Variants in PZP observed in about 807,000 individuals in gnomAD.
The protein encoded by PZP is PZP alpha-2-macroglobulin like.
Under a neutral mutation model 179.8 loss-of-function variants are expected in PZP, and 150 were observed. The observed-to-expected ratio is 0.83, with a 90% confidence interval of 0.73 to 0.96. The LOEUF (loss-of-function observed/expected upper bound fraction) is 0.96, where lower values mean the gene tolerates loss of function less well. Ranked by LOEUF, PZP falls within the 40% of genes least tolerant of loss-of-function variation. PZP has a pLI of 0.00. For missense variants in PZP, 1,689 were observed against 1,764.0 expected (o/e 0.96, Z 0.76); for synonymous variants, 624 against 652.3 (o/e 0.96, Z 0.66).
rs369847315 is a variant in PZP, at chr12:9,160,333, G to A, written c.3030C>T (p.Ala1010=). Residue 1010 remains alanine (A), a synonymous_variant, in exon 24 of 36, where the codon GCC becomes GCT. Transcript: ENST00000261336. ...ACTTACCAGTGATGAGATAGCCAAC[G>A]GCCTTGGCCTTGATCTCCTGCGTCA... is the stretch of plus-strand genomic sequence containing the variant. ...QQLTQEIKAK[A]VGYLITGYQR... 132 of 1,611,976 alleles carry A rather than the reference G, an allele frequency of 8.2e-5. 1 individual carries two copies. Among genetic ancestry groups the A allele is most frequent in the South Asian group, 6.1e-4 (55 of 90,414 alleles).
At chr12:9,167,895 T>G (rs1941705466) in intron 17 of PZP, among the ~76,000 whole-genome samples, 1 of 152,224 alleles carries the variant, frequency 6.6e-6, no homozygotes, top group African/African-American at 2.4e-5. Flanking sequence ...TTATTCTCGT[T>G]ATTTATATAA....
chr12:9,167,338 A>G (rs1366292891), intron 17 of PZP: 1 of 152,126 alleles, frequency 6.6e-6, no homozygotes, highest in African/African-American at 2.4e-5. Flanking sequence ...CTTACTGTCA[A>G]CTTGACTTTC....
At chr12:9,182,523 A>G (rs1475331725) in intron 13 of PZP, among the ~76,000 whole-genome samples, 1 of 152,226 alleles carries the variant, frequency 6.6e-6, no homozygotes, top group Non-Finnish European at 1.5e-5. Context: ...ATTTTGTCAT[A>G]TATGACTTTT....
the PZP span, among the ~76,000 whole-genome samples, chr12:9,141,820 A>G: frequency 1.3e-5 from 2 of 152,200 alleles, no homozygotes; most frequent in African/African-American, 4.8e-5. Context: ...TACTAGGTGG[A>G]GAGCCTAGGA....
chr12:9,144,320 C>T (rs962291650), downstream of PZP, among the ~76,000 whole-genome samples: 6 of 152,052 alleles, frequency 3.9e-5, no homozygotes, highest in African/African-American at 1.4e-4. Context: ...GGAGAGTAGC[C>T]CCAGCCTGAG....
At chr12:9,173,146 C>T (rs758259242) in intron 15 of PZP, among the ~76,000 whole-genome samples, 1 of 152,188 alleles carries the variant, frequency 6.6e-6, no homozygotes, top group Admixed American at 6.5e-5. Context: ...GTGCAATCAA[C>T]TTAGAACTCA....
intron 13 of PZP, among the ~76,000 whole-genome samples, chr12:9,184,781 A>AT (rs775314948): frequency 2.4e-4 from 36 of 152,222 alleles, no homozygotes; most frequent in Admixed American, 3.9e-4. Context: ...GAGTTACAGC[A>AT]TGCAATCCAG....
intron 6 of PZP, 111 bp downstream of exon 6, chr12:9,200,781 G>A: frequency 8.7e-7 from 1 of 1,145,460 alleles, no homozygotes. Context: ...GAAGCAGTAA[G>A]TCTGACTCTA....
rs766118064 is a variant in PZP, at chr12:9,196,584, T to C, written c.969A>G (p.Arg323=). The change falls in exon 9 of 36, where the codon AGA becomes AGG. Residue 323 remains arginine, a synonymous_variant. Transcript: ENST00000261336. ...EMKLRVEARI[R]EEGTDLEVTA... ...CATTACTCACACCTGTCCCCTCTTC[T>C]CTGATCCTGGCTTCCACTCTAAGCT... is the stretch of plus-strand genomic sequence containing the variant. 6.8e-6 allele frequency: 11 copies of C among 1,608,248 alleles called. No homozygotes were observed. The Admixed American group carries it at 1.8e-4, about 27-fold the overall frequency.
intron 34 of PZP, 105 bp from the exon 35 acceptor site, chr12:9,149,707 A>G: frequency 1.0e-6 from 1 of 1,000,282 alleles, no homozygotes; most frequent in Non-Finnish European, 1.5e-6. Context: ...ACGCCCTATC[A>G]GAATTGTCAA....
the PZP span, among the ~76,000 whole-genome samples, chr12:9,141,795 G>T: frequency 0.37 from 56,820 of 151,972 alleles, 11,378 homozygotes; most frequent in Non-Finnish European, 0.44. Context: ...TGGTAAGTTT[G>T]GGATTTTAAT....
chr12:9,162,106 C>T (rs7137886), intron 22 of PZP, among the ~76,000 whole-genome samples: 61,163 of 151,922 alleles, frequency 0.4, 12,476 homozygotes, highest in Middle Eastern at 0.44. Flanking sequence ...GGACTACAGG[C>T]GCCCGCCACC....
At chr12:9,150,610 C>G in intron 34 of PZP, 34 bp downstream of exon 34, 1 of 1,395,830 alleles carries the variant, frequency 7.2e-7, no homozygotes, top group Non-Finnish European at 1.0e-6. Context: ...TTTCTTGGCT[C>G]TGGTTAAGAT....
chr12:9,150,953 C>A (rs778817342), intron 33 of PZP, among the ~76,000 whole-genome samples: 1 of 152,314 alleles, frequency 6.6e-6, no homozygotes, highest in Admixed American at 6.5e-5. Flanking sequence ...TTCTAAACAA[C>A]TGAGCCAACC....
At position 9,192,500 on chromosome 12, in the gene PZP, C is replaced by A. The variant is rs370991630; in HGVS notation, c.1482+12G>T. On this transcript the variant is annotated intron_variant, in intron 12 of 35. Transcript: ENST00000261336. Reference sequence around the variant, plus strand: ...GATAAGCTGCAATTGTATTCCATGGCCTCATTCTTACCAGGTAATGGAAAC... The same window carrying A: ...GATAAGCTGCAATTGTATTCCATGGACTCATTCTTACCAGGTAATGGAAAC... 52 of 1,604,482 alleles carry A rather than the reference C, an allele frequency of 3.2e-5. No homozygotes were observed. The highest frequency in any genetic ancestry group is 4.3e-5 in the Non-Finnish European group (50 of 1,171,678).
intron 17 of PZP, chr12:9,167,628 C>A (rs1312352424): frequency 6.6e-6 from 1 of 152,140 alleles, no homozygotes; most frequent in Non-Finnish European, 1.5e-5. Flanking sequence ...CAAGAAATTT[C>A]ACAAGATATT....
rs143584986 is a variant in PZP, at chr12:9,179,750, C to T, written c.1839+1233G>A. The stretch of plus-strand genomic sequence containing the variant: ...AATACTTTGGCAACACATTAATTTA[C>T]TCACTCTTTTAAACATGACTATCAC... On this transcript the variant is annotated intron_variant, in intron 15 of 35. Transcript: ENST00000261336. Among the ~76,000 whole-genome samples, 250 of 152,322 alleles carry T rather than the reference C, an allele frequency of 1.6e-3. 1 individual carries two copies. Among genetic ancestry groups the T allele is most frequent in the Middle Eastern group, 6.8e-3 (2 of 294 alleles).
At chr12:9,177,306 C>T (rs1215285214) in intron 15 of PZP, among the ~76,000 whole-genome samples, 1 of 152,210 alleles carries the variant, frequency 6.6e-6, no homozygotes, top group Non-Finnish European at 1.5e-5. Flanking sequence ...CCTAGGACCT[C>T]TGTGTGGTGA....
At chr12:9,155,590 A>G (rs1048916303) in intron 28 of PZP, among the ~76,000 whole-genome samples, 5 of 152,286 alleles carry the variant, frequency 3.3e-5, no homozygotes, top group Admixed American at 2.6e-4. Context: ...GTAGTGGTCT[A>G]CAACCAGACT....
Sources: allele counts gnomAD v4.1 joint callset (sites outside exome capture counted in the v4.1 genomes callset), GRCh38; gene constraint gnomAD v4.1.1; transcripts MANE v1.5; gene names NCBI Gene and HGNC (gene_info 2026-07-23, HGNC 2026-07-21).